MIB1: variants seen among roughly 807,000 people sequenced by gnomAD.
MIB1 encodes the protein MIB E3 ubiquitin protein ligase 1, also known as E3 ubiquitin-protein ligase MIB1.
In MIB1, 278 loss-of-function variants were observed where a neutral mutation model predicts 124.5. The observed-to-expected ratio is 2.23, with a 90% CI of 2.02 to 2.47. The LOEUF (loss-of-function observed/expected upper bound fraction) is 2.47. Among genes scored for constraint, MIB1 ranks in the 30% most tolerant of loss-of-function variants. The pLI is 0.00. For synonymous variants in MIB1, 446 were observed against 429.4 expected (o/e 1.04, Z -0.48); for missense variants, 957 against 1,254.4 (o/e 0.76, Z 3.58).
At chr18:21,774,952 T>TATTTATTTATTC (rs1279960043) in intron 4 of MIB1, among the ~76,000 whole-genome samples, 1 of 150,918 alleles carries the variant, frequency 6.6e-6, no homozygotes. Context: ...TTTATTTATT[T>TATTTATTTATTC]ATTTATTTTT....
rs758378234 is a variant in MIB1, at chr18:21,838,502, GAA to G, written c.1962+8_1962+9del. On this transcript the variant is annotated splice_donor_region_variant and intron_variant, in intron 13 of 20. Coordinates refer to ENST00000261537, the MANE Select transcript of MIB1 (RefSeq NM_020774.4). Reference sequence around the variant, plus strand: ...GCTGAACTGTTGGTACATCAGGTAAGAAAAGAGTTAAATAATTCCCTCTTTTT... The same window carrying G: ...GCTGAACTGTTGGTACATCAGGTAAGAAGAGTTAAATAATTCCCTCTTTTT... 3 of 1,577,686 alleles carry G rather than the reference GAA, an allele frequency of 1.9e-6. No homozygotes were observed. The highest frequency in any genetic ancestry group is 2.6e-6 in the Non-Finnish European group (3 of 1,167,110).
At chr18:21,705,317 G>A (rs9945642) in intron 1 of MIB1, among the ~76,000 whole-genome samples, 2,990 of 152,322 alleles carry the variant, frequency 0.02, 86 homozygotes, top group African/African-American at 0.064. Flanking sequence ...TAGTTGCTAA[G>A]TGTCACTTAA....
chr18:21,842,540 A>G (rs756007863), intron 13 of MIB1, among the ~76,000 whole-genome samples: 30 of 152,160 alleles, frequency 2.0e-4, no homozygotes, highest in Admixed American at 5.9e-4. Context: ...CTCTTTCTTC[A>G]TTAGGGTTCA....
In MIB1 at chr18:21,819,666, T is replaced by A. The variant is rs763277961; in HGVS notation, c.1829+20T>A. ...TCCCAGGTATGTCACCCCTTACTATTTTAGGTGCAATTCAAAAATATTTTC... is the reference window on the plus strand; with the variant it reads ...TCCCAGGTATGTCACCCCTTACTATATTAGGTGCAATTCAAAAATATTTTC... On this transcript the variant is annotated intron_variant, in intron 12 of 20. Transcript: ENST00000261537. The A allele has an allele frequency of 2.1e-6, 3 of 1,449,786 alleles. No individual in the cohort carries two copies. The Admixed American group carries it at 6.9e-5, about 33-fold the overall frequency. The allele number at this position is 1,449,786 out of a possible 1,614,324, so 89.8% of individuals were successfully genotyped here. A position where few individuals can be genotyped will look rare whatever the true frequency, so the allele number is the denominator to read the frequency against.
intron 1 of MIB1, among the ~76,000 whole-genome samples, chr18:21,722,360 T>C (rs1370208947): frequency 6.6e-6 from 1 of 150,518 alleles, no homozygotes. Context: ...GGCCCAGTCT[T>C]TCCTTGTTTT....
chr18:21,819,991 C>T (rs1283426130), intron 12 of MIB1, among the ~76,000 whole-genome samples: 2 of 151,952 alleles, frequency 1.3e-5, no homozygotes, highest in South Asian at 2.1e-4. Flanking sequence ...GCCATTTGCA[C>T]GATAATTATT....
intron 1 of MIB1, among the ~76,000 whole-genome samples, chr18:21,759,738 C>T (rs1368315663): frequency 6.6e-6 from 1 of 151,974 alleles, no homozygotes. Context: ...GATTTTTGTT[C>T]TGTTGAAGCA....
intron 7 of MIB1, 36 bp from the exon 8 acceptor site, chr18:21,798,048 T>C (rs748257834): frequency 1.7e-5 from 28 of 1,607,706 alleles, no homozygotes; most frequent in South Asian, 1.4e-4. Context: ...GTATATACTT[T>C]AGACTTGGAA....
chr18:21,784,451 C>T (rs112808544), intron 6 of MIB1, among the ~76,000 whole-genome samples: 4,993 of 151,988 alleles, frequency 0.033, 117 homozygotes, highest in East Asian at 0.069. Context: ...ACCTAGTTGC[C>T]AAGGCAAGAG....
upstream of MIB1, among the ~76,000 whole-genome samples, chr18:21,738,902 C>T (rs181615919): frequency 4.2e-3 from 510 of 121,980 alleles, 3 homozygotes; most frequent in Non-Finnish European, 6.0e-3. Context: ...CAAACAAATT[C>T]AAAAGCTAGC....
chr18:21,835,422 G>T (rs2042017879), intron 12 of MIB1, among the ~76,000 whole-genome samples: 1 of 152,010 alleles, frequency 6.6e-6, no homozygotes, highest in African/African-American at 2.4e-5. Context: ...TGATTCCCTG[G>T]TTTCTGAGTA....
intron 1 of MIB1, among the ~76,000 whole-genome samples, chr18:21,721,471 G>A (rs1054586198): frequency 6.6e-6 from 1 of 151,820 alleles, no homozygotes; most frequent in African/African-American, 2.4e-5. Context: ...ATGAGCCACC[G>A]TGCCCAGCCT....
In MIB1 at chr18:21,838,347, T is replaced by C. The variant is rs201761957; in HGVS notation, c.1830-18T>C. 3.1e-4 allele frequency: 484 copies of C among 1,543,996 alleles called. 2 individuals are homozygous for C. The highest frequency in any genetic ancestry group is 4.1e-4 in the Non-Finnish European group (468 of 1,139,150). The stretch of plus-strand genomic sequence containing the variant: ...TCAAATTATGCAAATATAGAAATAA[T>C]GTGAATTTAACTTTCAGTGCAATGC... On this transcript the variant is annotated intron_variant, in intron 12 of 20. Coordinates refer to ENST00000261537, the MANE Select transcript of MIB1 (RefSeq NM_020774.4).
intron 1 of MIB1, among the ~76,000 whole-genome samples, chr18:21,705,448 C>G (rs888626198): frequency 2.0e-5 from 3 of 152,140 alleles, no homozygotes; most frequent in African/African-American, 7.2e-5. Flanking sequence ...AAATTCACAC[C>G]GATTACCTAA....
At chr18:21,815,483 A>G in intron 10 of MIB1, 133 bp from the exon 11 acceptor site, 2 of 754,336 alleles carry the variant, frequency 2.7e-6, no homozygotes, top group Non-Finnish European at 2.1e-6. Flanking sequence ...GCACCTGGTC[A>G]AGTTCTAGTT....
intron 1 of MIB1, among the ~76,000 whole-genome samples, chr18:21,721,053 T>G (rs1345334293): frequency 6.6e-6 from 1 of 151,830 alleles, no homozygotes; most frequent in Non-Finnish European, 1.5e-5. Context: ...ACATGGACAT[T>G]CATTGTACTA....
At chr18:21,833,263 G>C (rs1297364905) in intron 12 of MIB1, among the ~76,000 whole-genome samples, 1 of 152,108 alleles carries the variant, frequency 6.6e-6, no homozygotes, top group Non-Finnish European at 1.5e-5. Flanking sequence ...CTTTGCCTCA[G>C]TATATTCAGA....
intron 1 of MIB1, among the ~76,000 whole-genome samples, chr18:21,764,816 T>C (rs2041138329): frequency 6.6e-6 from 1 of 152,090 alleles, no homozygotes. Context: ...TTCAAGGACA[T>C]AAAAGTAAAT....
chr18:21,853,311 T>C, intron 18 of MIB1, 93 bp downstream of exon 18: 1 of 915,196 alleles, frequency 1.1e-6, no homozygotes, highest in Non-Finnish European at 1.7e-6. Flanking sequence ...CTTTTGATTT[T>C]GGATAACTCA....
Sources: gnomAD v4.1 joint callset for allele counts (sites outside exome capture counted in the v4.1 genomes callset) on GRCh38, gnomAD v4.1.1 for gene constraint, MANE v1.5 for transcripts, NCBI Gene and HGNC (gene_info 2026-07-23, HGNC 2026-07-21) for gene names.